Variants in NCOR2 observed in about 807,000 individuals in gnomAD.
NCOR2 encodes nuclear receptor corepressor 2.
In NCOR2, 81 loss-of-function variants were observed where a neutral mutation model predicts 262.9. That is an observed-to-expected ratio of 0.31 (90% confidence interval 0.26 to 0.37). The LOEUF (loss-of-function observed/expected upper bound fraction) is 0.37. Ranked by LOEUF, NCOR2 falls within the 10% of genes least tolerant of loss-of-function variation. The probability of loss-of-function intolerance (pLI) is 1.00; values close to 1 mark genes in which losing one functional copy is unlikely to be tolerated. For synonymous variants in NCOR2, 1,659 were observed against 1,559.3 expected (o/e 1.06, Z -1.51); for missense variants, 3,385 against 3,621.4 (o/e 0.93, Z 1.68).
intron 3 of NCOR2, among the ~76,000 whole-genome samples, chr12:124,479,571 A>G (rs1385673603): frequency 2.6e-5 from 4 of 152,238 alleles, no homozygotes; most frequent in Middle Eastern, 3.4e-3. Flanking sequence ...ACACACACGC[A>G]CGCGCGCGCG....
At chr12:124,332,346 T>C (rs1476138729) in exon 43 of NCOR2, 1 of 1,614,140 alleles carries the variant, frequency 6.2e-7, no homozygotes, top group African/African-American at 1.3e-5. Context: ...CGGTTGTGGG[T>C]GTTCAGCTTC....
At chr12:124,490,115 C>T (rs535950134) in intron 1 of NCOR2, among the ~76,000 whole-genome samples, 1 of 152,284 alleles carries the variant, frequency 6.6e-6, no homozygotes, top group East Asian at 1.9e-4. Context: ...AGGACCTTTG[C>T]ACATACTGTT....
At chr12:124,390,225 A>G (rs1001720036) in intron 16 of NCOR2, among the ~76,000 whole-genome samples, 2 of 152,170 alleles carry the variant, frequency 1.3e-5, no homozygotes, top group African/African-American at 4.8e-5. Flanking sequence ...TCTGCTTAAA[A>G]TCTTCCAGTG....
intron 1 of NCOR2, among the ~76,000 whole-genome samples, chr12:124,515,670 AGTGT>A (rs747656044): frequency 6.6e-6 from 1 of 151,166 alleles, no homozygotes. Context: ...TGTGCATGTG[AGTGT>A]GAGTGTGCGA....
At chr12:124,534,211 C>G (rs2051000766) in intron 1 of NCOR2, among the ~76,000 whole-genome samples, 2 of 152,166 alleles carry the variant, frequency 1.3e-5, no homozygotes, top group African/African-American at 4.8e-5. Flanking sequence ...CATCCCAGCA[C>G]TTTGGGAGGC....
At chr12:124,381,865 G>C (rs1400575678) in intron 17 of NCOR2, among the ~76,000 whole-genome samples, 3 of 152,250 alleles carry the variant, frequency 2.0e-5, no homozygotes, top group East Asian at 3.8e-4. Context: ...CCATAAGGAG[G>C]GGGAGGGAAA....
At chr12:124,333,361 C>G in intron 41 of NCOR2, 82 bp from the exon 44 acceptor site, 1 of 1,291,484 alleles carries the variant, frequency 7.7e-7, no homozygotes, top group East Asian at 2.9e-5. Flanking sequence ...AAACCAGGGC[C>G]CCACACGCTT....
intron 7 of NCOR2, among the ~76,000 whole-genome samples, chr12:124,438,912 G>C (rs2044592594): frequency 1.3e-5 from 2 of 150,884 alleles, no homozygotes; most frequent in Non-Finnish European, 2.9e-5. Context: ...CAGAGACCCA[G>C]AGAGAGAGAG....
At chr12:124,365,944 T>C (rs571460043) in intron 20 of NCOR2, among the ~76,000 whole-genome samples, 2 of 152,220 alleles carry the variant, frequency 1.3e-5, no homozygotes, top group South Asian at 2.1e-4. Context: ...GCCACCCCTA[T>C]GTCCCTCCCC....
At chr12:124,543,166 A>G (rs997737732) in intron 1 of NCOR2, among the ~76,000 whole-genome samples, 4 of 152,130 alleles carry the variant, frequency 2.6e-5, no homozygotes, top group African/African-American at 7.2e-5. Flanking sequence ...AGGGCCTGCA[A>G]TGGGATCAGT....
chr12:124,326,394 G>A, intron 45 of NCOR2, 24 bp from the exon 48 acceptor site: 1 of 1,472,914 alleles, frequency 6.8e-7, no homozygotes, highest in Non-Finnish European at 8.9e-7. Flanking sequence ...AGATGGGAAG[G>A]GGCTGCGTTG....
chr12:124,560,473 A>C (rs7963409), intron 1 of NCOR2, among the ~76,000 whole-genome samples: 3,801 of 152,376 alleles, frequency 0.025, 162 homozygotes, highest in African/African-American at 0.087. Context: ...TGCACCATAC[A>C]GAAACAGGTG....
rs1229123750 is a variant in NCOR2, at chr12:124,402,335, C to T, written c.1640+69G>A. On this transcript the variant is annotated intron_variant, in intron 14 of 46. Transcript: ENST00000405201. ...ACCCCACCCGTCTCTACAAAGGGTC[C>T]CCCAGAACCGTGTGCCACCCGGGTT... The T allele has an allele frequency of 3.8e-6, 6 of 1,597,616 alleles. No individual in the cohort carries two copies. The Admixed American group carries it at 1.0e-4, about 27-fold the overall frequency.
intron 1 of NCOR2, chr12:124,513,497 G>C (rs1168507850): frequency 3.9e-5 from 6 of 152,246 alleles, no homozygotes; most frequent in African/African-American, 1.4e-4. Flanking sequence ...TTTTGGGGAT[G>C]AAACAGGATG....
intron 27 of NCOR2, among the ~76,000 whole-genome samples, chr12:124,351,258 A>G (rs911549292): frequency 6.6e-6 from 1 of 152,198 alleles, no homozygotes; most frequent in Non-Finnish European, 1.5e-5. Context: ...TGACCACGTC[A>G]TGCACTTTGG....
chr12:124,362,567 G>A (rs1286491173), intron 21 of NCOR2, among the ~76,000 whole-genome samples: 16 of 151,572 alleles, frequency 1.1e-4, no homozygotes, highest in African/African-American at 3.2e-4. Flanking sequence ...GGTGAACAGG[G>A]GGAACCCACC....
intron 1 of NCOR2, among the ~76,000 whole-genome samples, chr12:124,545,309 AC>A (rs1280327967): frequency 1.3e-5 from 2 of 152,116 alleles, no homozygotes; most frequent in Non-Finnish European, 2.9e-5. Context: ...GGCTTTGGTG[AC>A]CACCAGGCTG....
At chr12:124,451,635 G>T (rs1376962483) in intron 6 of NCOR2, among the ~76,000 whole-genome samples, 1 of 152,160 alleles carries the variant, frequency 6.6e-6, no homozygotes, top group Admixed American at 6.5e-5. Flanking sequence ...CACACAGCAG[G>T]AGCCTCCCAG....
chr12:124,490,408 A>AGATGGATGGATG (rs750414709), intron 1 of NCOR2, among the ~76,000 whole-genome samples: 2,459 of 126,292 alleles, frequency 0.019, 30 homozygotes, highest in East Asian at 0.058. Context: ...AGTATTTGCC[A>AGATGGATGGATG]GATGGATGGA....
Sources: gnomAD v4.1 joint callset for allele counts (sites outside exome capture counted in the v4.1 genomes callset) on GRCh38, gnomAD v4.1.1 for gene constraint, MANE v1.5 for transcripts, NCBI Gene and HGNC (gene_info 2026-07-23, HGNC 2026-07-21) for gene names.